KDM1B: variants seen among roughly 807,000 people sequenced by gnomAD.
KDM1B encodes lysine demethylase 1B.
Under a neutral mutation model 107.4 loss-of-function variants are expected in KDM1B, and 63 were observed. The observed-to-expected ratio is 0.59, with a 90% CI of 0.48 to 0.72. KDM1B has a LOEUF of 0.72. KDM1B is among the 30% of genes least tolerant of loss of function. The pLI is 0.00. For synonymous variants in KDM1B, 363 were observed against 363.9 expected (o/e 1.00, Z 0.03); for missense variants, 749 against 1,020.8 (o/e 0.73, Z 3.63).
rs1015197072 is a variant in KDM1B, at chr6:18,223,231, T to TTGAG, written c.*1241_*1244dup. On this transcript the variant is annotated 3_prime_UTR_variant, in exon 22 of 22. Transcript: ENST00000650836. Reference sequence around the variant, plus strand: ...ATGACTTTAAAGAGACTTCAAAATATTGAGTATTTTAAAAATTTAAAAGTA... The same window carrying TTGAG: ...ATGACTTTAAAGAGACTTCAAAATATTGAGTGAGTATTTTAAAAATTTAAAAGTA... The TTGAG allele has an allele frequency of 6.6e-6, 1 of 152,540 alleles. No individual in the cohort carries two copies. The highest frequency in any genetic ancestry group is 1.5e-5 in the Non-Finnish European group (1 of 68,016). 9.4% of individuals were successfully genotyped at this position (152,540 alleles called of 1,614,324 possible). A position where few individuals can be genotyped will look rare whatever the true frequency, so the allele number is the denominator to read the frequency against.
Position 18,217,688 on chromosome 6 carries a change from A to AT in KDM1B, c.2233-44dup, listed in dbSNP as rs1279785853. On this transcript the variant is annotated intron_variant, in intron 20 of 21. Transcript: ENST00000650836. ...TGAGTCACTGCGCCCTGCCATCTACATCCCTTCTTGATCCTACTTCATAAT... is the reference window on the plus strand; with the variant it reads ...TGAGTCACTGCGCCCTGCCATCTACATTCCCTTCTTGATCCTACTTCATAAT... 13 of 1,571,808 alleles carry AT rather than the reference A, an allele frequency of 8.3e-6. No individual in the cohort carries two copies. The African/African-American group carries it at 1.8e-4, about 21-fold the overall frequency.
intron 21 of KDM1B, among the ~76,000 whole-genome samples, chr6:18,220,483 T>C (rs948100091): frequency 5.3e-5 from 8 of 151,832 alleles, no homozygotes; most frequent in Non-Finnish European, 8.8e-5. Context: ...GAGGCGGAGG[T>C]TGCAGTGAGC....
At chr6:18,171,520 T>A in intron 7 of KDM1B, 41 bp downstream of exon 7, 3 of 1,014,966 alleles carry the variant, frequency 3.0e-6, no homozygotes, top group Non-Finnish European at 4.7e-6. Context: ...GATATATTAA[T>A]GTAGTCAGTA....
At chr6:18,158,653 A>C (rs1007375386) in intron 2 of KDM1B, among the ~76,000 whole-genome samples, 1 of 152,206 alleles carries the variant, frequency 6.6e-6, no homozygotes, top group Non-Finnish European at 1.5e-5. Context: ...AATCCAATAG[A>C]TCAAGGAAGG....
At chr6:18,167,106 T>C (rs1785348372) in intron 6 of KDM1B, among the ~76,000 whole-genome samples, 2 of 152,064 alleles carry the variant, frequency 1.3e-5, no homozygotes, top group Admixed American at 6.6e-5. Context: ...CCTGTCATCC[T>C]AGCACTTTGG....
rs374269145 is a variant in KDM1B, at chr6:18,208,811, A to AT, written c.1866+620dup. 2.1e-3 allele frequency among the ~76,000 whole-genome samples: 273 copies of AT among 131,164 alleles called. 1 individual carries two copies. The highest frequency in any genetic ancestry group is 2.7e-3 in the Non-Finnish European group (168 of 61,898). The allele number at this position is 131,164 out of a possible 152,430, so 86.0% of individuals were successfully genotyped here. ...AGGCACCCGCCATCACGCCTGGCTA[A>AT]TTTTTTTTTTTTTTTGTATTTTTTA... On this transcript the variant is annotated intron_variant, in intron 17 of 21. Coordinates refer to ENST00000650836, the MANE Select transcript of KDM1B (RefSeq NM_001364614.2).
Position 18,200,507 on chromosome 6 carries a change from C to T in KDM1B, c.1290C>T (p.Val430=). ...GGGATGATAAATCTTTTAAAGGCGT[C>T]ACAGTGGGAAGAGGAGCTCAGATTG... ...RVWDDKSFKG[V]TVGRGAQIVN... The change falls in exon 13 of 22, where the codon GTC becomes GTT. Residue 430 remains valine, a synonymous_variant. Transcript: ENST00000650836. The surrounding 1 kb of genome is among the most constrained non-coding windows in gnomAD (Gnocchi z 4.3). 3 of 1,614,034 alleles carry T rather than the reference C, an allele frequency of 1.9e-6. No individual in the cohort carries two copies. Among genetic ancestry groups the T allele is most frequent in the Non-Finnish European group, 2.5e-6 (3 of 1,179,942 alleles).
At chr6:18,198,953 G>T (rs1408056804) in intron 12 of KDM1B, among the ~76,000 whole-genome samples, 2 of 136,912 alleles carry the variant, frequency 1.5e-5, no homozygotes, top group Admixed American at 1.6e-4. Flanking sequence ...GAGATCGCTT[G>T]AGCTCAGGAG....
At chr6:18,175,787 G>A (rs914757396) in intron 7 of KDM1B, among the ~76,000 whole-genome samples, 2 of 152,058 alleles carry the variant, frequency 1.3e-5, no homozygotes, top group Non-Finnish European at 2.9e-5. Context: ...TAAGTATTTG[G>A]GTTTATTTCT....
chr6:18,201,144 TGTGTGTTC>T lies in KDM1B; in HGVS notation c.1360-341_1360-334del, dbSNP rs1160802032. 6.6e-6 allele frequency among the ~76,000 whole-genome samples: 1 copy of T among 152,204 alleles called. No homozygotes were observed. Among genetic ancestry groups the T allele is most frequent in the Non-Finnish European group, 1.5e-5 (1 of 68,032 alleles). On this transcript the variant is annotated intron_variant, in intron 13 of 21. Coordinates refer to ENST00000650836, the MANE Select transcript of KDM1B (RefSeq NM_001364614.2). This position sits in a 1 kb window ranked among gnomAD's most constrained non-coding sequence, Gnocchi z 4.3. ...CTTCTGCTATGAGTGTTTGTGTGTT[TGTGTGTTC>T]ATTTACATGAGGGTCCACAGAGGAG...
rs1368238896 is a variant in KDM1B, at chr6:18,205,330, T to C, written c.1532-207T>C. Among the ~76,000 whole-genome samples, 1 of 152,098 alleles carries C rather than the reference T, an allele frequency of 6.6e-6. No individual in the cohort carries two copies. Among genetic ancestry groups the C allele is most frequent in the Non-Finnish European group, 1.5e-5 (1 of 68,022 alleles). On this transcript the variant is annotated intron_variant, in intron 14 of 21. Coordinates refer to ENST00000650836, the MANE Select transcript of KDM1B (RefSeq NM_001364614.2). This position sits in a 1 kb window ranked among gnomAD's most constrained non-coding sequence, Gnocchi z 5.7. ...ATGTACCCTAAAACTTAAAGTATAA[T>C]AATAATAAAATTAAAAAAAAAGATA... is the stretch of plus-strand genomic sequence containing the variant.
chr6:18,221,583 T>C (rs998215237), intron 21 of KDM1B, among the ~76,000 whole-genome samples: 11 of 152,218 alleles, frequency 7.2e-5, no homozygotes, highest in Non-Finnish European at 1.3e-4. Flanking sequence ...TTTGTACTTG[T>C]TTCGCCTGTG....
Position 18,213,819 on chromosome 6 carries a change from T to G in KDM1B, c.2109+38T>G. On this transcript the variant is annotated intron_variant, in intron 19 of 21. Coordinates refer to ENST00000650836, the MANE Select transcript of KDM1B (RefSeq NM_001364614.2). This position sits in a 1 kb window ranked among gnomAD's most constrained non-coding sequence, Gnocchi z 5.9. ...GTGAACTGTGGTTTGAATTTCCGTCTTAAAGTTTAGAATTTGATGTGATAA... is the reference window on the plus strand; with the variant it reads ...GTGAACTGTGGTTTGAATTTCCGTCGTAAAGTTTAGAATTTGATGTGATAA... The G allele has an allele frequency of 6.2e-7, 1 of 1,611,384 alleles. No homozygotes were observed. The highest frequency in any genetic ancestry group is 8.5e-7 in the Non-Finnish European group (1 of 1,177,736).
chr6:18,184,391 G>C (rs190388052), intron 7 of KDM1B, among the ~76,000 whole-genome samples: 354 of 149,276 alleles, frequency 2.4e-3, no homozygotes, highest in Admixed American at 8.2e-3. Context: ...TCTCCTGCCT[G>C]AGCCTCCCAA....
intron 6 of KDM1B, among the ~76,000 whole-genome samples, chr6:18,170,940 C>T (rs532605243): frequency 1.3e-5 from 2 of 152,184 alleles, no homozygotes; most frequent in South Asian, 2.1e-4. Context: ...CCTGCCTCAG[C>T]CTCCTGAGTA....
rs147319421 is a variant in KDM1B at position 18,193,567 on chromosome 6, G to T, written c.969+2186G>T. ...TCCTCCTGGCTTGGCCTCCCAAAGT[G>T]CTGGAATTACAGGCATGAGCCACCA... is the stretch of plus-strand genomic sequence containing the variant. On this transcript the variant is annotated intron_variant, in intron 10 of 21. Coordinates refer to ENST00000650836, the MANE Select transcript of KDM1B (RefSeq NM_001364614.2). Among the ~76,000 whole-genome samples, 1,021 of 152,012 alleles carry T rather than the reference G, an allele frequency of 6.7e-3. 13 individuals are homozygous for T. The highest frequency in any genetic ancestry group is 0.023 in the African/African-American group (938 of 41,462).
chr6:18,173,888 C>T (rs1009557273), intron 7 of KDM1B, among the ~76,000 whole-genome samples: 9 of 152,162 alleles, frequency 5.9e-5, no homozygotes, highest in Admixed American at 2.6e-4. Flanking sequence ...CGGGTTCAAG[C>T]GATTCTCCTG....
In KDM1B at chr6:18,197,916, G is replaced by A. The variant is rs577540892; in HGVS notation, c.1221+255G>A. On this transcript the variant is annotated intron_variant, in intron 12 of 21. Transcript: ENST00000650836. This position sits in a 1 kb window ranked among gnomAD's most constrained non-coding sequence, Gnocchi z 4.5. ...GAAGAAATTCTAACTTGGCATTAAA[G>A]TAGAAATTCTTTTTTTTTTTTTTTT... Among the ~76,000 whole-genome samples, 1 of 149,982 alleles carries A rather than the reference G, an allele frequency of 6.7e-6. No homozygotes were observed. Among genetic ancestry groups the A allele is most frequent in the African/African-American group, 2.5e-5 (1 of 40,528 alleles).
intron 7 of KDM1B, among the ~76,000 whole-genome samples, chr6:18,173,965 T>C (rs560016343): frequency 2.0e-5 from 3 of 152,062 alleles, no homozygotes; most frequent in Admixed American, 6.6e-5. Context: ...TTTGTATTAT[T>C]AGTAAAGAGA....
Sources: gnomAD v4.1 joint callset for allele counts (sites outside exome capture counted in the v4.1 genomes callset) on GRCh38, gnomAD v4.1.1 for gene constraint, Gnocchi (gnomAD v3.1) non-coding constraint, MANE v1.5 for transcripts, NCBI Gene and HGNC (gene_info 2026-07-23, HGNC 2026-07-21) for gene names.